NAV3: variants seen among roughly 807,000 people sequenced by gnomAD.
The protein encoded by NAV3 is neuron navigator 3, also known as pore membrane and/or filament interacting like protein 1.
A neutral mutation model predicts 244.7 loss-of-function variants in NAV3; 87 were observed. The observed-to-expected ratio is 0.36, with a 90% CI of 0.30 to 0.42. The LOEUF is 0.42. Among genes scored for constraint, NAV3 ranks in the 20% least tolerant of loss-of-function variants. The pLI, the probability that NAV3 is intolerant of heterozygous loss-of-function variation, is 1.00. For missense variants in NAV3, 2,663 were observed against 2,893.3 expected, an observed-to-expected ratio of 0.92 and a Z score of 1.83; for synonymous variants, 1,126 against 1,042.2, an observed-to-expected ratio of 1.08 and a Z score of -1.55.
At chr12:78,090,954 CTGTGTGTGTGTGTGTGTGTGTG>C (rs10581059) in intron 12 of NAV3, among the ~76,000 whole-genome samples, 10 of 142,560 alleles carry the variant, frequency 7.0e-5, no homozygotes, top group Non-Finnish European at 4.6e-5. Flanking sequence ...GTGCTGTATT[CTGTGTGTGTGTGTGTGTGTGTG>C]TGTGTGTGTG....
intron 12 of NAV3, among the ~76,000 whole-genome samples, chr12:78,072,557 C>A (rs1211087364): frequency 1.2e-5 from 1 of 83,466 alleles, no homozygotes; most frequent in Non-Finnish European, 2.4e-5. Context: ...GCTTACCAAC[C>A]AAAAAGAGTC....
intron 2 of NAV3, among the ~76,000 whole-genome samples, chr12:77,762,994 G>A (rs1483000862): frequency 6.6e-6 from 1 of 152,084 alleles, no homozygotes; most frequent in Non-Finnish European, 1.5e-5. Flanking sequence ...TTTGTTTCTA[G>A]TCATGTTGCA....
chr12:77,753,271 A>G (rs1029990548), intron 2 of NAV3, among the ~76,000 whole-genome samples: 1 of 152,180 alleles, frequency 6.6e-6, no homozygotes, highest in Non-Finnish European at 1.5e-5. Flanking sequence ...TACCATTCTC[A>G]TGAGCACCCT....
At chr12:77,651,777 C>T (rs1872833494) in intron 2 of NAV3, among the ~76,000 whole-genome samples, 1 of 152,114 alleles carries the variant, frequency 6.6e-6, no homozygotes, top group African/African-American at 2.4e-5. Context: ...AAATTGGTAA[C>T]TCATGTAATA....
intron 9 of NAV3, among the ~76,000 whole-genome samples, chr12:78,025,595 CAAAAAAAAAAAAAAA>C (rs1186694789): frequency 1.8e-5 from 1 of 55,566 alleles, no homozygotes; most frequent in Non-Finnish European, 3.2e-5. Flanking sequence ...GACTCCATCT[CAAAAAAAAAAAAAAA>C]AAAAAAAAAA....
At chr12:77,587,470 A>T (rs1467738832) in intron 2 of NAV3, among the ~76,000 whole-genome samples, 1 of 152,204 alleles carries the variant, frequency 6.6e-6, no homozygotes, top group Admixed American at 6.5e-5. Context: ...GATAAGATCC[A>T]CAGAGCCATA....
chr12:78,072,213 CA>C lies in NAV3; in HGVS notation c.2636+13104del, dbSNP rs1357631240. On this transcript the variant is annotated intron_variant, in intron 12 of 39. Coordinates refer to ENST00000397909, the MANE Select transcript of NAV3 (RefSeq NM_001024383.2). ...AGCAGAACTGAAGGAAATAGAGACA[CA>C]AAAAACCCTTCACAAAATTAATGAA... Among the ~76,000 whole-genome samples, 12 of 149,092 alleles carry C rather than the reference CA, an allele frequency of 8.0e-5. No individual in the cohort carries two copies. The East Asian group carries it at 2.2e-3, about 27-fold the overall frequency.
intron 2 of NAV3, among the ~76,000 whole-genome samples, chr12:77,576,605 G>C (rs1437979971): frequency 6.6e-6 from 1 of 151,838 alleles, no homozygotes; most frequent in Non-Finnish European, 1.5e-5. Flanking sequence ...TTTTATTTTT[G>C]CATTTTCTTG....
intron 1 of NAV3, among the ~76,000 whole-genome samples, chr12:77,899,513 G>A (rs1272520507): frequency 6.6e-6 from 1 of 152,176 alleles, no homozygotes; most frequent in Non-Finnish European, 1.5e-5. Flanking sequence ...AAGCAATAAG[G>A]TATTTGTAAT....
intron 2 of NAV3, among the ~76,000 whole-genome samples, chr12:77,602,568 G>T (rs771663945): frequency 6.6e-6 from 1 of 151,892 alleles, no homozygotes; most frequent in African/African-American, 2.4e-5. Flanking sequence ...ATAACATTGG[G>T]AGGAATGCTA....
At chr12:77,937,327 C>G (rs1889417938) in intron 1 of NAV3, among the ~76,000 whole-genome samples, 1 of 152,132 alleles carries the variant, frequency 6.6e-6, no homozygotes, top group Non-Finnish European at 1.5e-5. Flanking sequence ...TGAGCTAAAA[C>G]ACAGGTATTA....
intron 2 of NAV3, among the ~76,000 whole-genome samples, chr12:77,729,360 G>T (rs900959722): frequency 5.9e-5 from 9 of 151,944 alleles, no homozygotes; most frequent in African/African-American, 2.2e-4. Flanking sequence ...ATAGAAGCCT[G>T]ATTTCATACT....
At chr12:77,712,289 T>C (rs1023178732) in intron 2 of NAV3, among the ~76,000 whole-genome samples, 2 of 152,128 alleles carry the variant, frequency 1.3e-5, no homozygotes, top group East Asian at 1.9e-4. Context: ...ACCATTTACA[T>C]AGAGGGAGGA....
At chr12:77,601,331 A>G (rs947825333) in intron 2 of NAV3, among the ~76,000 whole-genome samples, 3 of 151,996 alleles carry the variant, frequency 2.0e-5, no homozygotes, top group African/African-American at 7.2e-5. Context: ...TACAGTCTGA[A>G]CTAATGCTTC....
At chr12:78,168,100 A>G (rs1957853806) in intron 23 of NAV3, among the ~76,000 whole-genome samples, 2 of 151,638 alleles carry the variant, frequency 1.3e-5, no homozygotes, top group Non-Finnish European at 3.0e-5. Context: ...CATATATTTT[A>G]TTTACTTTAT....
At chr12:78,005,253 T>A (rs541857902) in intron 7 of NAV3, among the ~76,000 whole-genome samples, 1 of 152,242 alleles carries the variant, frequency 6.6e-6, no homozygotes, top group East Asian at 1.9e-4. Context: ...TAGAGATTAT[T>A]TGAAGCAAAC....
At chr12:78,159,123 C>A in intron 22 of NAV3, 80 bp from the exon 23 acceptor site, 1 of 1,179,658 alleles carries the variant, frequency 8.5e-7, no homozygotes. Flanking sequence ...TGAAATTAAG[C>A]ATTTTGTAAA....
At chr12:77,657,700 A>C (rs1330183871) in intron 2 of NAV3, among the ~76,000 whole-genome samples, 1 of 152,216 alleles carries the variant, frequency 6.6e-6, no homozygotes, top group Non-Finnish European at 1.5e-5. Context: ...TTGATGCAAA[A>C]ATCCTCAATA....
Position 77,831,418 on chromosome 12 carries a change from AG to A in NAV3, c.-43del. On this transcript the variant is annotated 5_prime_UTR_variant, in exon 1 of 40. Coordinates refer to ENST00000397909, the MANE Select transcript of NAV3 (RefSeq NM_001024383.2). ...AGTTGGAGTCTACCAGACTGAGGTT[AG>A]AAGCATTTTCTTTGGCAGCAAGAAG... 6.5e-7 allele frequency: 1 copy of A among 1,546,998 alleles called. No homozygotes were observed. Among genetic ancestry groups the A allele is most frequent in the Non-Finnish European group, 8.7e-7 (1 of 1,150,602 alleles).
Sources: gnomAD v4.1 joint callset for allele counts (sites outside exome capture counted in the v4.1 genomes callset) on GRCh38, gnomAD v4.1.1 for gene constraint, MANE v1.5 for transcripts, NCBI Gene and HGNC (gene_info 2026-07-23, HGNC 2026-07-21) for gene names.